The following MAP3K1 variants were observed in gnomAD, a reference collection of about 807,000 sequenced individuals.
MAP3K1 encodes the protein MAP/ERK kinase kinase 1.
Under a neutral mutation model 144.2 loss-of-function variants are expected in MAP3K1, and 36 were observed. The ratio of observed to expected loss-of-function variants is 0.25; its 90% CI spans 0.19 to 0.33. MAP3K1 has a LOEUF of 0.33. MAP3K1 is among the 10% of genes least tolerant of loss of function. The pLI is 1.00. For synonymous variants in MAP3K1, 718 were observed against 688.7 expected (o/e 1.04, Z -0.67); for missense variants, 1,650 against 1,881.9 (o/e 0.88, Z 2.28).
intron 19 of MAP3K1, among the ~76,000 whole-genome samples, chr5:56,888,878 A>G (rs773163237): frequency 1.9e-4 from 29 of 152,250 alleles, no homozygotes; most frequent in Non-Finnish European, 2.8e-4. Context: ...GTTGAAGAGC[A>G]TCTGTGTATG....
At chr5:56,887,092 G>A (rs1748399416) in intron 17 of MAP3K1, among the ~76,000 whole-genome samples, 1 of 152,106 alleles carries the variant, frequency 6.6e-6, no homozygotes, top group Non-Finnish European at 1.5e-5. Flanking sequence ...AGCAAATTTG[G>A]TTTTCTGTCA....
intron 2 of MAP3K1, among the ~76,000 whole-genome samples, chr5:56,858,477 AT>A (rs1447402546): frequency 6.6e-6 from 1 of 152,226 alleles, no homozygotes; most frequent in Admixed American, 6.5e-5. Context: ...CTTAAGCTTA[AT>A]TATGCCACCC....
chr5:56,854,978 A>G (rs538098684), intron 1 of MAP3K1, among the ~76,000 whole-genome samples: 2 of 152,322 alleles, frequency 1.3e-5, no homozygotes, highest in East Asian at 3.9e-4. Flanking sequence ...AATTTTTATT[A>G]TGCAGTCACC....
chr5:56,870,308 T>A (rs1469484632), intron 6 of MAP3K1, among the ~76,000 whole-genome samples: 2 of 152,214 alleles, frequency 1.3e-5, no homozygotes. Context: ...ACTGATTTTA[T>A]GATTTGAGGC....
At chr5:56,870,809 T>A (rs1747828934) in intron 6 of MAP3K1, among the ~76,000 whole-genome samples, 1 of 152,170 alleles carries the variant, frequency 6.6e-6, no homozygotes, top group South Asian at 2.1e-4. Context: ...ATCTCCACTT[T>A]TTGGTTTACA....
At chr5:56,890,093 A>G (rs905188597) in intron 19 of MAP3K1, among the ~76,000 whole-genome samples, 1 of 151,968 alleles carries the variant, frequency 6.6e-6, no homozygotes, top group African/African-American at 2.4e-5. Flanking sequence ...TGTTTCTGAC[A>G]CTTTGTTTCT....
In MAP3K1 at chr5:56,875,186, C is replaced by T. The variant is rs753677752; in HGVS notation, c.1841C>T (p.Pro614Leu). Residue 614 changes from proline to leucine, a missense_variant, in exon 10 of 20, where the codon CCG becomes CTG. Around this residue, in one of 6 missense-constraint regions of MAP3K1, gnomAD observed 841 missense variants for 886.5 expected, o/e 0.95. Transcript: ENST00000399503. ...GNSGGSSGSS[P>L]SGGATSGSSQ... is the part of the protein sequence containing the mutation. ...TCTGGGGGCAGCAGTGGAAGCAGCC[C>T]GAGTGGGGGAGCCACCAGTGGGTCT... is the stretch of plus-strand genomic sequence containing the variant. 1.2e-5 allele frequency: 20 copies of T among 1,614,098 alleles called. No homozygotes were observed. Among genetic ancestry groups the T allele is most frequent in the East Asian group, 2.2e-5 (1 of 44,862 alleles).
chr5:56,865,572 A>G (rs1747650124), intron 5 of MAP3K1, 116 bp downstream of exon 5: 1 of 744,450 alleles, frequency 1.3e-6, no homozygotes, highest in South Asian at 1.6e-5. Context: ...GAAGGTATGT[A>G]AGAATTAGTT....
intron 19 of MAP3K1, among the ~76,000 whole-genome samples, chr5:56,890,714 G>T (rs1748522967): frequency 6.6e-6 from 1 of 152,040 alleles, no homozygotes; most frequent in Admixed American, 6.6e-5. Context: ...TTTACAAAGT[G>T]CTACAAGATA....
chr5:56,816,462 G>A lies in MAP3K1; in HGVS notation c.482+407G>A, dbSNP rs527664405. On this transcript the variant is annotated intron_variant, in intron 1 of 19. Transcript: ENST00000399503. Reference sequence around the variant, plus strand: ...GTCCCCGGGGCAAAGGCACTGGGGGGCGAGGCCCGAGCCTGAGGCGGGCGG... The same window carrying A: ...GTCCCCGGGGCAAAGGCACTGGGGGACGAGGCCCGAGCCTGAGGCGGGCGG... Among the ~76,000 whole-genome samples the A allele has an allele frequency of 3.8e-3, 572 of 152,222 alleles. 8 individuals are homozygous for A. Among genetic ancestry groups the A allele is most frequent in the African/African-American group, 0.013 (538 of 41,576 alleles).
intron 1 of MAP3K1, among the ~76,000 whole-genome samples, chr5:56,843,798 C>T (rs1746892197): frequency 6.6e-6 from 1 of 152,196 alleles, no homozygotes; most frequent in African/African-American, 2.4e-5. Context: ...AATTGCACTA[C>T]AGACATGCTA....
rs2111946712 is a variant in MAP3K1, at chr5:56,882,474, G to A, written c.3274G>A (p.Asp1092Asn). 1 of 1,614,144 alleles carries A rather than the reference G, an allele frequency of 6.2e-7. No individual in the cohort carries two copies. Among genetic ancestry groups the A allele is most frequent in the South Asian group, 1.1e-5 (1 of 91,084 alleles). Residue 1092 changes from aspartate (D) to asparagine (N), a missense_variant, in exon 14 of 20, where the codon GAT becomes AAT. Around this residue, in one of 6 missense-constraint regions of MAP3K1, gnomAD observed 841 missense variants for 886.5 expected, o/e 0.95. Coordinates refer to ENST00000399503, the MANE Select transcript of MAP3K1 (RefSeq NM_005921.2). ...TGATCTGAACAGTAGTTCCAAATGTGATGACAGCTTTGGCTGTAGCAGCAA... is the reference window on the plus strand; with the variant it reads ...TGATCTGAACAGTAGTTCCAAATGTAATGACAGCTTTGGCTGTAGCAGCAA... ...TLDLNSSSKC[D>N]DSFGCSSNSS... is the part of the protein sequence containing the mutation.
At chr5:56,817,045 C>T in intron 1 of MAP3K1, 2 of 985,342 alleles carry the variant, frequency 2.0e-6, no homozygotes. Context: ...CCGCTGAATT[C>T]CAGGGGCCGC....
intron 1 of MAP3K1, among the ~76,000 whole-genome samples, chr5:56,841,606 G>A (rs1461375547): frequency 2.0e-5 from 3 of 152,188 alleles, no homozygotes; most frequent in Non-Finnish European, 4.4e-5. Context: ...CAGATTTAAC[G>A]ATTAAAAGGA....
chr5:56,826,731 A>G (rs1481460607), intron 1 of MAP3K1, among the ~76,000 whole-genome samples: 2 of 152,232 alleles, frequency 1.3e-5, no homozygotes, highest in African/African-American at 2.4e-5. Flanking sequence ...TGTGGGATCA[A>G]TGGATGTTCT....
At chr5:56,867,316 A>G (rs184887908) in intron 6 of MAP3K1, among the ~76,000 whole-genome samples, 2 of 152,342 alleles carry the variant, frequency 1.3e-5, no homozygotes, top group African/African-American at 4.8e-5. Context: ...GTACATACAT[A>G]GATAGATTTT....
At chr5:56,893,461 C>T in intron 19 of MAP3K1, 70 bp from the exon 20 acceptor site, 1 of 1,473,046 alleles carries the variant, frequency 6.8e-7, no homozygotes, top group Non-Finnish European at 9.5e-7. Context: ...GTTATGAGGT[C>T]TATGCACATG....
chr5:56,816,943 A>T (rs978302852), intron 1 of MAP3K1: 5 of 245,244 alleles, frequency 2.0e-5, no homozygotes, highest in African/African-American at 7.0e-5. Context: ...GTTTCAAAGC[A>T]GTGGTGACTG....
chr5:56,828,684 C>T (rs758459808), intron 1 of MAP3K1, among the ~76,000 whole-genome samples: 1 of 152,122 alleles, frequency 6.6e-6, no homozygotes, highest in Non-Finnish European at 1.5e-5. Flanking sequence ...TTGTGTTTAG[C>T]AAATACTACC....
Sources: gnomAD v4.1 joint callset for allele counts (sites outside exome capture counted in the v4.1 genomes callset) on GRCh38, gnomAD v4.1.1 for gene constraint, gnomAD v4.1.1 regional missense constraint, MANE v1.5 for transcripts, NCBI Gene and HGNC (gene_info 2026-07-23, HGNC 2026-07-21) for gene names.